The following LIPA variants were observed in gnomAD, a reference collection of about 807,000 sequenced individuals.
The protein encoded by LIPA is lysosomal acid lipase/cholesteryl ester hydrolase.
A neutral mutation model predicts 40.6 loss-of-function variants in LIPA; 26 were observed. The observed-to-expected ratio is 0.64, with a 90% CI of 0.47 to 0.89. The LOEUF is 0.89. LIPA is among the 40% of genes least tolerant of loss of function. The pLI is 0.00. For synonymous variants in LIPA, 188 were observed against 168.4 expected (o/e 1.12, Z -0.90); for missense variants, 455 against 479.6 (o/e 0.95, Z 0.48).
intron 1 of LIPA, among the ~76,000 whole-genome samples, chr10:89,271,901 A>G (rs1044958359): frequency 2.7e-5 from 4 of 149,270 alleles, no homozygotes; most frequent in Non-Finnish European, 4.5e-5. Context: ...CAACTCTACA[A>G]AAAAAAAAAC....
chr10:89,215,633 T>C (rs1842615778), intron 9 of LIPA, among the ~76,000 whole-genome samples: 5 of 152,356 alleles, frequency 3.3e-5, no homozygotes, highest in African/African-American at 1.2e-4. Flanking sequence ...CAAGGCCCCA[T>C]AGCTACCAGA....
chr10:89,279,952 A>G (rs1843306963), intron 1 of LIPA, among the ~76,000 whole-genome samples: 1 of 152,254 alleles, frequency 6.6e-6, no homozygotes, highest in Non-Finnish European at 1.5e-5. Context: ...AGACGGACAT[A>G]CAGTGATATT....
intron 1 of LIPA, among the ~76,000 whole-genome samples, chr10:89,294,815 A>G (rs914356174): frequency 7.2e-5 from 11 of 151,958 alleles, no homozygotes; most frequent in African/African-American, 2.4e-4. Flanking sequence ...TCTCTACAAG[A>G]AATAAAAAAT....
At chr10:89,253,039 T>G (rs556191999), upstream of LIPA, among the ~76,000 whole-genome samples, 9 of 152,160 alleles carry the variant, frequency 5.9e-5, no homozygotes, top group Admixed American at 3.9e-4. Context: ...ATGTACATAG[T>G]AGAAAGTAAT....
In LIPA at chr10:89,251,736, C is replaced by T. The variant is rs1175507361; in HGVS notation, c.-2+1G>A. ...CAGCGCCGCGGCGCCGGCACTCTCA[C>T]CTGGAGCTGTCCTGCCGGGCCGCTG... On this transcript the variant is annotated splice_donor_variant, in intron 1 of 9. Transcript: ENST00000336233. LOFTEE classifies it low-confidence loss of function (5UTR_SPLICE). 2.6e-5 allele frequency: 4 copies of T among 152,374 alleles called. No individual in the cohort carries two copies. The highest frequency in any genetic ancestry group is 5.9e-5 in the Non-Finnish European group (4 of 68,168). The allele number at this position is 152,374 out of a possible 1,614,324, so 9.4% of individuals were successfully genotyped here.
At chr10:89,274,013 A>C (rs1260614869) in intron 1 of LIPA, among the ~76,000 whole-genome samples, 1 of 152,264 alleles carries the variant, frequency 6.6e-6, no homozygotes, top group African/African-American at 2.4e-5. Flanking sequence ...TTTACTATTT[A>C]GCTCTTAACA....
At chr10:89,316,112 T>C (rs917308106) in intron 1 of LIPA, among the ~76,000 whole-genome samples, 101 of 152,106 alleles carry the variant, frequency 6.6e-4, no homozygotes, top group Non-Finnish European at 1.2e-3. Context: ...GGTTCCAAGA[T>C]GGCCAAATAG....
intron 1 of LIPA, among the ~76,000 whole-genome samples, chr10:89,337,247 A>C (rs1314832432): frequency 1.3e-5 from 2 of 152,208 alleles, no homozygotes; most frequent in Non-Finnish European, 2.9e-5. Flanking sequence ...CGGGCAGAGA[A>C]GGTTGGGATA....
chr10:89,242,562 A>C (rs1842976127), intron 3 of LIPA, among the ~76,000 whole-genome samples: 1 of 152,206 alleles, frequency 6.6e-6, no homozygotes, highest in South Asian at 2.1e-4. Context: ...CATAAAAAAA[A>C]CCTGATCTCC....
At chr10:89,296,871 A>G (rs1449943500) in intron 1 of LIPA, among the ~76,000 whole-genome samples, 2 of 152,160 alleles carry the variant, frequency 1.3e-5, no homozygotes, top group East Asian at 3.8e-4. Flanking sequence ...CATTTCTTCT[A>G]TCATTACAAA....
chr10:89,312,501 G>A (rs1843521860), intron 1 of LIPA, among the ~76,000 whole-genome samples: 1 of 151,994 alleles, frequency 6.6e-6, no homozygotes, highest in Admixed American at 6.6e-5. Context: ...ACTTTCTTCT[G>A]ATCAAAATTC....
chr10:89,301,600 C>T (rs1169101865), intron 1 of LIPA, among the ~76,000 whole-genome samples: 1 of 152,178 alleles, frequency 6.6e-6, no homozygotes, highest in Non-Finnish European at 1.5e-5. Context: ...TTTACCAGCC[C>T]TTGTGCAAAT....
intron 7 of LIPA, 41 bp downstream of exon 7, chr10:89,223,643 A>C (rs764184265): frequency 6.7e-7 from 1 of 1,503,140 alleles, no homozygotes; most frequent in Non-Finnish European, 9.3e-7. Flanking sequence ...GCACATTCAC[A>C]GATAAAAAAA....
intron 3 of LIPA, among the ~76,000 whole-genome samples, chr10:89,242,480 A>C (rs922511456): frequency 1.3e-5 from 2 of 152,236 alleles, no homozygotes; most frequent in African/African-American, 2.4e-5. Flanking sequence ...GAAGCCTGGC[A>C]GAGAAAAGAG....
chr10:89,276,798 A>C (rs1170636856), intron 1 of LIPA, among the ~76,000 whole-genome samples: 4 of 152,228 alleles, frequency 2.6e-5, no homozygotes, highest in African/African-American at 9.6e-5. Context: ...TTAGATTTTT[A>C]ATTGAAAATT....
intron 1 of LIPA, among the ~76,000 whole-genome samples, chr10:89,331,774 G>A (rs1323900948): frequency 6.7e-6 from 1 of 149,736 alleles, no homozygotes; most frequent in Non-Finnish European, 1.5e-5. Context: ...TGGGAGGATC[G>A]CTTGAGCCTG....
rs1329376865 is a variant in LIPA, at chr10:89,378,041, T to C, written c.61+34750A>G. On this transcript the variant is annotated intron_variant, in intron 2 of 8. Coordinates refer to the LIPA transcript ENST00000371837. Reference sequence around the variant, plus strand: ...ACCTCCCATATATAAGCACCATGCTTATCTGAGAAGCCCTAGAACTCTGTG... The same window carrying C: ...ACCTCCCATATATAAGCACCATGCTCATCTGAGAAGCCCTAGAACTCTGTG... 4.4e-6 allele frequency: 6 copies of C among 1,361,264 alleles called. No homozygotes were observed. The East Asian group carries it at 1.4e-4, about 31-fold the overall frequency. The allele number at this position is 1,361,264 out of a possible 1,614,324, so 84.3% of individuals were successfully genotyped here.
chr10:89,368,184 G>C (rs1457914353), intron 2 of LIPA, among the ~76,000 whole-genome samples: 1 of 152,186 alleles, frequency 6.6e-6, no homozygotes, highest in Non-Finnish European at 1.5e-5. Context: ...ACACGACCTG[G>C]AGGAAAGGAG....
chr10:89,313,716 A>C (rs1277243814), intron 1 of LIPA, among the ~76,000 whole-genome samples: 1 of 152,240 alleles, frequency 6.6e-6, no homozygotes, highest in African/African-American at 2.4e-5. Context: ...AAATAAGTGA[A>C]GTACTTACTG....
Sources: allele counts gnomAD v4.1 joint callset (sites outside exome capture counted in the v4.1 genomes callset), GRCh38; gene constraint gnomAD v4.1.1; transcripts MANE v1.5; gene names NCBI Gene and HGNC (gene_info 2026-07-23, HGNC 2026-07-21).